NREP: variants seen among roughly 807,000 people sequenced by gnomAD.
NREP encodes the protein neuronal regeneration-related protein.
Under a neutral mutation model 8.6 loss-of-function variants are expected in NREP, and 5 were observed. The observed-to-expected ratio is 0.58, with a 90% confidence interval of 0.30 to 1.22. The LOEUF is 1.22. NREP is among the 50% of genes most tolerant of loss of function. NREP has a pLI of 0.07. For synonymous variants in NREP, 27 were observed against 28.0 expected (o/e 0.96, Z 0.11); for missense variants, 86 against 82.5 (o/e 1.04, Z -0.17).
chr5:111,932,889 A>T (rs1755580809), intron 2 of NREP, among the ~76,000 whole-genome samples: 1 of 152,022 alleles, frequency 6.6e-6, no homozygotes, highest in Non-Finnish European at 1.5e-5. Context: ...CCACACTCCT[A>T]CAGTGAGTAG....
At chr5:111,938,599 A>C (rs1337470126) in intron 2 of NREP, among the ~76,000 whole-genome samples, 2 of 152,064 alleles carry the variant, frequency 1.3e-5, no homozygotes, top group Non-Finnish European at 2.9e-5. Flanking sequence ...CACTTACTGT[A>C]TGTGTGACCT....
chr5:111,822,518 A>G (rs1380028032), intron 2 of NREP, among the ~76,000 whole-genome samples: 1 of 152,232 alleles, frequency 6.6e-6, no homozygotes, highest in Non-Finnish European at 1.5e-5. Flanking sequence ...AAATGGAAAT[A>G]TACCAGTCCT....
intron 2 of NREP, among the ~76,000 whole-genome samples, chr5:111,828,960 C>T (rs1752695824): frequency 6.6e-6 from 1 of 152,036 alleles, no homozygotes; most frequent in East Asian, 1.9e-4. Flanking sequence ...ACTATGGGAT[C>T]ACAGCCTGTA....
intron 2 of NREP, among the ~76,000 whole-genome samples, chr5:111,933,368 C>G (rs1049132318): frequency 6.6e-6 from 1 of 152,006 alleles, no homozygotes; most frequent in Non-Finnish European, 1.5e-5. Context: ...TATTTGTTAT[C>G]TTAAAAGGGA....
intron 2 of NREP, among the ~76,000 whole-genome samples, chr5:111,768,582 G>A (rs776803836): frequency 6.6e-6 from 1 of 152,094 alleles, no homozygotes; most frequent in Non-Finnish European, 1.5e-5. Context: ...AGTACTGAAT[G>A]TTTAGCTTCC....
chr5:111,784,699 A>G (rs1177247634), intron 2 of NREP, among the ~76,000 whole-genome samples: 1 of 152,184 alleles, frequency 6.6e-6, no homozygotes, highest in Non-Finnish European at 1.5e-5. Flanking sequence ...CTCTCCAAGA[A>G]TGAACAGAAT....
intron 2 of NREP, among the ~76,000 whole-genome samples, chr5:111,914,441 G>A (rs970669654): frequency 1.1e-4 from 16 of 152,056 alleles, no homozygotes; most frequent in Non-Finnish European, 4.4e-5. Context: ...ACCTTTCTCA[G>A]CATTCCACAA....
At chr5:111,898,708 C>A (rs1754572558) in intron 2 of NREP, among the ~76,000 whole-genome samples, 1 of 152,112 alleles carries the variant, frequency 6.6e-6, no homozygotes, top group Non-Finnish European at 1.5e-5. Context: ...CCACATCTTG[C>A]AACAGTTATA....
chr5:111,845,908 A>G (rs1024995954), intron 2 of NREP: 4 of 151,864 alleles, frequency 2.6e-5, no homozygotes, highest in Non-Finnish European at 5.9e-5. Flanking sequence ...AAGTAATTTT[A>G]CATGTTCAAG....
At chr5:111,734,578 A>G (rs1474968549) in intron 3 of NREP, 1 of 436,102 alleles carries the variant, frequency 2.3e-6, no homozygotes, top group African/African-American at 2.0e-5. Flanking sequence ...TCTGCCTGCC[A>G]GTATAAGATA....
chr5:111,891,898 G>A (rs901974353), intron 2 of NREP, among the ~76,000 whole-genome samples: 4 of 152,106 alleles, frequency 2.6e-5, no homozygotes, highest in African/African-American at 9.7e-5. Context: ...TCCAACTCGG[G>A]ATTACATTTC....
chr5:111,764,509 A>G (rs563858597), intron 2 of NREP, among the ~76,000 whole-genome samples: 14 of 152,292 alleles, frequency 9.2e-5, no homozygotes, highest in Admixed American at 3.9e-4. Context: ...CCACTTTATA[A>G]AACCATTAGA....
chr5:111,845,794 G>A (rs2112954594), intron 2 of NREP, among the ~76,000 whole-genome samples: 1 of 151,812 alleles, frequency 6.6e-6, no homozygotes, highest in South Asian at 2.1e-4. Flanking sequence ...GTTACAGAGT[G>A]CATGTAATTC....
intron 2 of NREP, among the ~76,000 whole-genome samples, chr5:111,942,529 G>A (rs775213064): frequency 2.0e-5 from 3 of 151,966 alleles, no homozygotes; most frequent in Non-Finnish European, 4.4e-5. Flanking sequence ...TCAAATAGCA[G>A]CAAGTGTGAC....
intron 2 of NREP, among the ~76,000 whole-genome samples, chr5:111,802,902 A>C (rs1752046954): frequency 6.6e-6 from 1 of 152,176 alleles, no homozygotes; most frequent in East Asian, 1.9e-4. Context: ...GCAATGGCCC[A>C]AAGAAAGAAG....
rs182485338 is a variant in NREP, at chr5:111,737,309, G to A, written c.4-1802C>T. ...AAAGCCCAGTTTGGGCTCAACTTTA[G>A]GGGACCCCAAGTTTGAATCTACTGT... On this transcript the variant is annotated intron_variant, in intron 2 of 3. Transcript: ENST00000257435. Among the ~76,000 whole-genome samples the A allele has an allele frequency of 2.0e-3, 309 of 152,230 alleles. 1 individual carries two copies. Among genetic ancestry groups the A allele is most frequent in the Middle Eastern group, 6.8e-3 (2 of 294 alleles).
chr5:111,881,483 T>C (rs1397530564), intron 2 of NREP, among the ~76,000 whole-genome samples: 2 of 152,146 alleles, frequency 1.3e-5, no homozygotes, highest in Non-Finnish European at 1.5e-5. Context: ...GCAGTGGTTC[T>C]CCCAGAACGC....
At chr5:111,783,903 G>T (rs1375334892) in intron 2 of NREP, among the ~76,000 whole-genome samples, 1 of 152,110 alleles carries the variant, frequency 6.6e-6, no homozygotes, top group Admixed American at 6.6e-5. Flanking sequence ...GAAAATCTGT[G>T]GCCTTATATT....
At chr5:111,921,114 CTTAA>C (rs993974835) in intron 2 of NREP, among the ~76,000 whole-genome samples, 2 of 152,150 alleles carry the variant, frequency 1.3e-5, no homozygotes, top group African/African-American at 4.8e-5. Context: ...GGACCCTTGC[CTTAA>C]CTATCTGCCT....
Sources: gnomAD v4.1 joint callset for allele counts (sites outside exome capture counted in the v4.1 genomes callset) on GRCh38, gnomAD v4.1.1 for gene constraint, MANE v1.5 for transcripts, NCBI Gene and HGNC (gene_info 2026-07-23, HGNC 2026-07-21) for gene names.